Variants in DBT observed in about 807,000 individuals in gnomAD.
The protein encoded by DBT is dihydrolipoamide branched chain transacylase E2.
Under a neutral mutation model 51.3 loss-of-function variants are expected in DBT, and 40 were observed. The ratio of observed to expected loss-of-function variants is 0.78; its 90% CI spans 0.61 to 1.02. The LOEUF is 1.02. Ranked by LOEUF, DBT falls within the 50% of genes least tolerant of loss-of-function variation. The pLI, the probability that DBT is intolerant of heterozygous loss-of-function variation, is 0.00. For synonymous variants in DBT, 181 were observed against 190.4 expected (o/e 0.95, Z 0.41); for missense variants, 510 against 580.2 (o/e 0.88, Z 1.24).
intron 10 of DBT, among the ~76,000 whole-genome samples, chr1:100,203,779 A>C (rs2100774818): frequency 6.6e-6 from 1 of 152,344 alleles, no homozygotes; most frequent in South Asian, 2.1e-4. Flanking sequence ...CATCCCTAGG[A>C]TGCAAGGCTG....
chr1:100,248,414 G>A (rs4457600), intron 1 of DBT, among the ~76,000 whole-genome samples: 116,839 of 152,082 alleles, frequency 0.77, 46,791 homozygotes, highest in East Asian at 0.94. Flanking sequence ...AAAACATCAC[G>A]TACATATGAA....
At chr1:100,227,167 T>C (rs1233197960) in intron 4 of DBT, among the ~76,000 whole-genome samples, 3 of 152,198 alleles carry the variant, frequency 2.0e-5, no homozygotes, top group Admixed American at 1.3e-4. Flanking sequence ...AAAAGAAGTA[T>C]AGTAAAGATG....
intron 8 of DBT, among the ~76,000 whole-genome samples, chr1:100,209,796 A>C (rs1662022983): frequency 6.6e-6 from 1 of 151,814 alleles, no homozygotes; most frequent in African/African-American, 2.4e-5. Flanking sequence ...TCCTGACCTC[A>C]CATGATCCAC....
intron 5 of DBT, among the ~76,000 whole-genome samples, chr1:100,216,452 AT>A (rs1368647554): frequency 2.6e-5 from 4 of 152,134 alleles, no homozygotes; most frequent in African/African-American, 9.7e-5. Flanking sequence ...TTTTAAAAAA[AT>A]TTTTTGTAGA....
At position 100,235,498 on chromosome 1, in the gene DBT, C is replaced by A; in HGVS notation, c.189G>T (p.Gln63His). The A allele has an allele frequency of 6.3e-7, 1 of 1,585,436 alleles. No homozygotes were observed. Among genetic ancestry groups the A allele is most frequent in the East Asian group, 2.2e-5 (1 of 44,546 alleles). Residue 63 changes from glutamine (Q) to histidine (H), a missense_variant, in exon 3 of 11, where the codon CAG (glutamine) becomes CAT (histidine). Physicochemically the swap from Gln to His is conservative, Grantham distance 24 (BLOSUM62 0). Coordinates refer to ENST00000370132, the MANE Select transcript of DBT (RefSeq NM_001918.5). ...FLKTTAALRGQVVQFKLSDIG... is the reference protein window; with the variant it reads ...FLKTTAALRGHVVQFKLSDIG... ...TGTCTGAGAGCTTGAACTGAACAAC[C>A]TGTCCACGGAGAGCTTCAAAGACAA...
chr1:100,203,713 G>C (rs1045185312), intron 10 of DBT, among the ~76,000 whole-genome samples: 1 of 152,168 alleles, frequency 6.6e-6, no homozygotes, highest in African/African-American at 2.4e-5. Flanking sequence ...TAAAACACTG[G>C]CAAACCGAAT....
intron 8 of DBT, among the ~76,000 whole-genome samples, chr1:100,208,067 A>G (rs974006646): frequency 6.6e-6 from 1 of 152,024 alleles, no homozygotes; most frequent in Admixed American, 6.5e-5. Flanking sequence ...CCCAGGAGGC[A>G]GAGTTTGCAG....
rs747769370 is a variant in DBT at position 100,196,452 on chromosome 1, AAAAAAAAG to A, written c.1282-38_1282-31del. 162 of 1,521,928 alleles carry A rather than the reference AAAAAAAAG, an allele frequency of 1.1e-4. No homozygotes were observed. The African/African-American group carries it at 1.9e-3, about 17-fold the overall frequency. The allele number at this position is 1,521,928 out of a possible 1,614,324, so 94.3% of individuals were successfully genotyped here. ...AAATGAAAAAAAAAAAAAAAAAAAA[AAAAAAAAG>A]AACAAAGAGTAAACCTTCACTTGTT... On this transcript the variant is annotated intron_variant, in intron 10 of 10. Transcript: ENST00000370132.
chr1:100,224,387 A>G (rs920355789), intron 4 of DBT, among the ~76,000 whole-genome samples: 1 of 152,158 alleles, frequency 6.6e-6, no homozygotes, highest in Non-Finnish European at 1.5e-5. Flanking sequence ...GCATATATAA[A>G]TTTCTCTCAT....
intron 8 of DBT, 191 bp downstream of exon 8, chr1:100,210,503 A>G: frequency 1.4e-6 from 1 of 733,614 alleles, no homozygotes; most frequent in Non-Finnish European, 2.1e-6. Flanking sequence ...AGTTTTAAGA[A>G]TCTCTAAACA....
intron 2 of DBT, 75 bp downstream of exon 2, chr1:100,240,682 CTCAA>C (rs529836015): frequency 3.2e-5 from 39 of 1,200,524 alleles, no homozygotes; most frequent in Middle Eastern, 5.6e-4. Context: ...TTTAAAAAGT[CTCAA>C]TCAACTACTA....
chr1:100,245,776 G>A (rs1664496174), intron 1 of DBT, among the ~76,000 whole-genome samples: 1 of 151,796 alleles, frequency 6.6e-6, no homozygotes, highest in African/African-American at 2.4e-5. Flanking sequence ...AATGCATTGA[G>A]ACTTTGTCTA....
At chr1:100,228,834 A>T (rs1022230061) in intron 4 of DBT, among the ~76,000 whole-genome samples, 3 of 152,218 alleles carry the variant, frequency 2.0e-5, no homozygotes, top group African/African-American at 7.2e-5. Context: ...ATTGGACTAC[A>T]GCATATACAA....
chr1:100,236,375 C>T (rs1001607253), intron 2 of DBT, among the ~76,000 whole-genome samples: 1 of 152,178 alleles, frequency 6.6e-6, no homozygotes, highest in Non-Finnish European at 1.5e-5. Context: ...TCCAGGTTAA[C>T]AAATGGCTCT....
intron 1 of DBT, among the ~76,000 whole-genome samples, chr1:100,241,785 A>G (rs1454987452): frequency 6.6e-6 from 1 of 152,120 alleles, no homozygotes; most frequent in Non-Finnish European, 1.5e-5. Context: ...TTGGGAGGCC[A>G]AGGTGGGCAG....
chr1:100,213,400 G>A (rs1419790320), intron 7 of DBT: 5 of 1,568,734 alleles, frequency 3.2e-6, no homozygotes, highest in Middle Eastern at 1.9e-4. Flanking sequence ...TCCCCGCCGC[G>A]CCCCCGCAGC....
At chr1:100,215,955 C>G (rs1339645412) in intron 6 of DBT, 28 bp downstream of exon 6, 5 of 1,291,904 alleles carry the variant, frequency 3.9e-6, no homozygotes, top group Non-Finnish European at 5.6e-6. Context: ...GAACTATTGC[C>G]TTATAGTATT....
rs550510826 is a variant in DBT at position 100,194,212 on chromosome 1, T to C, written c.*2043A>G. The C allele has an allele frequency of 6.6e-6, 1 of 152,274 alleles. No individual in the cohort carries two copies. Among genetic ancestry groups the C allele is most frequent in the African/African-American group, 2.4e-5 (1 of 41,568 alleles). 9.4% of individuals were successfully genotyped at this position (152,274 alleles called of 1,614,324 possible). A position where few individuals can be genotyped will look rare whatever the true frequency, so the allele number is the denominator to read the frequency against. ...AGACCAGGTCTCACTCTGTCACCCA[T>C]ACTGGAGGATAGTGGCACAATGACA... On this transcript the variant is annotated 3_prime_UTR_variant, in exon 11 of 11. Transcript: ENST00000370132.
intron 3 of DBT, among the ~76,000 whole-genome samples, chr1:100,234,720 T>G (rs946809102): frequency 4.6e-5 from 7 of 152,212 alleles, no homozygotes; most frequent in Non-Finnish European, 1.0e-4. Context: ...GCTCTTTCCA[T>G]AATCCCACAG....
Sources: gnomAD v4.1 joint callset for allele counts (sites outside exome capture counted in the v4.1 genomes callset) on GRCh38, gnomAD v4.1.1 for gene constraint, MANE v1.5 for transcripts, NCBI Gene and HGNC (gene_info 2026-07-23, HGNC 2026-07-21) for gene names.